RHOG: variants seen among roughly 807,000 people sequenced by gnomAD.
RHOG encodes rho-related GTP-binding protein RhoG.
Under a neutral mutation model 12.3 loss-of-function variants are expected in RHOG, and 1 was observed. The observed-to-expected ratio is 0.08, with a 90% CI of 0.03 to 0.39. RHOG has a LOEUF of 0.39. Ranked by LOEUF, RHOG falls within the 10% of genes least tolerant of loss-of-function variation. The pLI is 0.99. For synonymous variants in RHOG, 129 were observed against 116.0 expected (o/e 1.11, Z -0.72); for missense variants, 114 against 266.2 (o/e 0.43, Z 3.98).
Position 3,827,329 on chromosome 11 carries a change from T to C in RHOG, c.*234A>G. 1.8e-6 allele frequency: 1 copy of C among 555,978 alleles called. No individual in the cohort carries two copies. The highest frequency in any genetic ancestry group is 1.9e-5 in the African/African-American group (1 of 53,314). 34.4% of individuals were successfully genotyped at this position (555,978 alleles called of 1,614,324 possible). A position where few individuals can be genotyped will look rare whatever the true frequency, so the allele number is the denominator to read the frequency against. The stretch of plus-strand genomic sequence containing the variant: ...CTTGGGGAGGGGTCCAACCTTGGCT[T>C]GGATGAGCTCATGAGAATACCCAGT... On this transcript the variant is annotated 3_prime_UTR_variant, in exon 2 of 2. Coordinates refer to ENST00000351018, the MANE Select transcript of RHOG (RefSeq NM_001665.4). This position sits in a 1 kb window ranked among gnomAD's most constrained non-coding sequence, Gnocchi z 7.3.
chr11:3,833,700 T>C (rs1287575434), intron 1 of RHOG, among the ~76,000 whole-genome samples: 1 of 152,204 alleles, frequency 6.6e-6, no homozygotes, highest in African/African-American at 2.4e-5. Flanking sequence ...AAGGACTAAG[T>C]GCATTAATGT....
intron 1 of RHOG, among the ~76,000 whole-genome samples, chr11:3,837,194 A>G (rs1275985511): frequency 6.6e-6 from 1 of 152,078 alleles, no homozygotes; most frequent in African/African-American, 2.4e-5. Flanking sequence ...AGGGCTGCCC[A>G]GTCCCTTTAG....
chr11:3,830,223 A>G (rs1451854444), intron 1 of RHOG, among the ~76,000 whole-genome samples: 2 of 152,206 alleles, frequency 1.3e-5, no homozygotes, highest in African/African-American at 2.4e-5. Context: ...TAGATGCTAG[A>G]GTAAGACTCG....
At chr11:3,832,965 A>C (rs1040327075) in intron 1 of RHOG, among the ~76,000 whole-genome samples, 3 of 152,224 alleles carry the variant, frequency 2.0e-5, no homozygotes, top group Non-Finnish European at 4.4e-5. Context: ...CCAGGAGTGA[A>C]GGGTTGTAGT....
chr11:3,836,902 CAAAAAAAAAAA>C (rs57344316), intron 1 of RHOG, among the ~76,000 whole-genome samples: 16 of 29,252 alleles, frequency 5.5e-4, no homozygotes, highest in Middle Eastern at 0.031. Context: ...GACTCCATCT[CAAAAAAAAAAA>C]AAAAAAAAAA....
At chr11:3,830,144 T>TG (rs1006270031) in intron 1 of RHOG, among the ~76,000 whole-genome samples, 56 of 152,338 alleles carry the variant, frequency 3.7e-4, no homozygotes, top group African/African-American at 1.3e-3. Context: ...CCTGAGATCC[T>TG]GGCATGTGCC....
chr11:3,833,161 G>C (rs2090139869), intron 1 of RHOG, among the ~76,000 whole-genome samples: 1 of 151,958 alleles, frequency 6.6e-6, no homozygotes, highest in Admixed American at 6.5e-5. Context: ...GAAATGCAGT[G>C]GTGCCATCAC....
At chr11:3,839,966 A>G (rs1473599624) in intron 1 of RHOG, among the ~76,000 whole-genome samples, 12 of 152,162 alleles carry the variant, frequency 7.9e-5, no homozygotes, top group Admixed American at 7.9e-4. Context: ...TTGGAGGAAA[A>G]GAGACTGGAA....
chr11:3,828,988 C>G (rs1484987104), intron 1 of RHOG, among the ~76,000 whole-genome samples: 1 of 151,878 alleles, frequency 6.6e-6, no homozygotes, highest in Non-Finnish European at 1.5e-5. Context: ...TAGGGATCTA[C>G]TAGATCCTCT....
At chr11:3,834,093 T>C (rs1458887798) in intron 1 of RHOG, among the ~76,000 whole-genome samples, 2 of 152,334 alleles carry the variant, frequency 1.3e-5, no homozygotes, top group East Asian at 3.9e-4. Context: ...CAGCTAATTT[T>C]TGTATTTTTA....
At chr11:3,828,826 T>TA (rs2090107042) in intron 1 of RHOG, among the ~76,000 whole-genome samples, 5 of 151,720 alleles carry the variant, frequency 3.3e-5, no homozygotes, top group Non-Finnish European at 1.5e-5. Context: ...TTCACCGTGT[T>TA]GGCCAGGATG....
intron 1 of RHOG, among the ~76,000 whole-genome samples, chr11:3,831,404 ATGAG>A (rs1440423206): frequency 6.7e-6 from 1 of 150,290 alleles, no homozygotes; most frequent in Non-Finnish European, 1.5e-5. Context: ...ATTTGCATGA[ATGAG>A]AGAGAGTGTG....
Position 3,827,470 on chromosome 11 carries a change from A to T in RHOG, c.*93T>A. ...GGAACCCCCTGGAAAGGGGTGCCAG[A>T]ATTAGTCCTTAAGGCACAGCTGAGG... On this transcript the variant is annotated 3_prime_UTR_variant, in exon 2 of 2. Coordinates refer to ENST00000351018, the MANE Select transcript of RHOG (RefSeq NM_001665.4). This position sits in a 1 kb window ranked among gnomAD's most constrained non-coding sequence, Gnocchi z 7.3. 1 of 1,047,022 alleles carries T rather than the reference A, an allele frequency of 9.6e-7. No individual in the cohort carries two copies. Among genetic ancestry groups the T allele is most frequent in the Non-Finnish European group, 1.4e-6 (1 of 719,622 alleles). The allele number at this position is 1,047,022 out of a possible 1,614,324, so 64.9% of individuals were successfully genotyped here. A position where few individuals can be genotyped will look rare whatever the true frequency, so the allele number is the denominator to read the frequency against.
chr11:3,830,374 G>T (rs1215943353), intron 1 of RHOG, among the ~76,000 whole-genome samples: 1 of 152,114 alleles, frequency 6.6e-6, no homozygotes, highest in Non-Finnish European at 1.5e-5. Flanking sequence ...ATGAAATGAG[G>T]CCAGGCACGG....
intron 1 of RHOG, among the ~76,000 whole-genome samples, chr11:3,838,523 T>C (rs942091949): frequency 6.6e-6 from 1 of 151,956 alleles, no homozygotes; most frequent in Admixed American, 6.6e-5. Flanking sequence ...CCTGGGCTCT[T>C]ATGTAGGTCC....
At chr11:3,838,626 T>A (rs10835182) in intron 1 of RHOG, among the ~76,000 whole-genome samples, 37,394 of 152,062 alleles carry the variant, frequency 0.25, 4,845 homozygotes, top group South Asian at 0.39. Context: ...GAAGAACAAT[T>A]CATGGGAGAG....
At chr11:3,829,416 A>T (rs966506379) in intron 1 of RHOG, among the ~76,000 whole-genome samples, 2 of 151,426 alleles carry the variant, frequency 1.3e-5, no homozygotes, top group African/African-American at 2.4e-5. Context: ...GCATCCGGCT[A>T]ATTTTTATAT....
At chr11:3,833,967 G>C (rs1313550597) in intron 1 of RHOG, among the ~76,000 whole-genome samples, 7 of 152,200 alleles carry the variant, frequency 4.6e-5, no homozygotes, top group African/African-American at 1.7e-4. Context: ...CTGTCGCCCA[G>C]GTTAGAGTGC....
chr11:3,839,485 A>AAC (rs71041402), intron 1 of RHOG, among the ~76,000 whole-genome samples: 8,357 of 141,868 alleles, frequency 0.059, 283 homozygotes, highest in Middle Eastern at 0.13. Context: ...CGCGCGCGCG[A>AAC]ACACACACAC....
Sources: allele counts gnomAD v4.1 joint callset (sites outside exome capture counted in the v4.1 genomes callset), GRCh38; gene constraint gnomAD v4.1.1; non-coding constraint Gnocchi (gnomAD v3.1); transcripts MANE v1.5; gene names NCBI Gene and HGNC (gene_info 2026-07-23, HGNC 2026-07-21).